The following RSRP1 variants were observed in gnomAD, a reference collection of about 807,000 sequenced individuals.
RSRP1 encodes the protein arginine/serine-rich protein 1.
RSRP1 carries 37 observed loss-of-function variants against 33.0 expected under a neutral mutation model. That is an observed-to-expected ratio of 1.12 (90% CI 0.86 to 1.48). RSRP1 has a LOEUF of 1.48. Ranked by LOEUF, RSRP1 falls within the 40% of genes most tolerant of loss-of-function variation. The pLI is 0.00. For missense variants in RSRP1, 402 were observed against 385.3 expected (o/e 1.04, Z -0.36); for synonymous variants, 167 against 158.7 (o/e 1.05, Z -0.40).
rs34484514 is a variant in RSRP1 at position 25,246,493 on chromosome 1, T to G, written c.471A>C (p.Arg157Ser). Reference sequence around the variant, plus strand: ...TTCTGCTCCGCGACCTCGTCCTGGATCTGTCCCTCCATCTGCTGTGCTCCT... The same window carrying G: ...TTCTGCTCCGCGACCTCGTCCTGGAGCTGTCCCTCCATCTGCTGTGCTCCT... ...YPEEHSRWRDRSRTRSRSRTP... is the reference protein window; with the variant it reads ...YPEEHSRWRDSSRTRSRSRTP... Residue 157 changes from arginine (R) to serine (S), a missense_variant, in exon 2 of 5, where the codon AGA becomes AGC. Physicochemically the swap from Arg to Ser is moderately radical, Grantham distance 110 (BLOSUM62 -1). Coordinates refer to ENST00000243189, the MANE Select transcript of RSRP1 (RefSeq NM_020317.5). The G allele has an allele frequency of 0.04, 64,281 of 1,614,236 alleles. 1,458 individuals are homozygous for G. Among genetic ancestry groups the G allele is most frequent in the South Asian group, 0.046 (4,192 of 91,092 alleles).
intron 1 of RSRP1, among the ~76,000 whole-genome samples, chr1:25,278,175 G>T (rs1312053568): frequency 7.7e-6 from 1 of 129,748 alleles, no homozygotes; most frequent in African/African-American, 2.6e-5. Context: ...TAGGAGATAA[G>T]TCAGCTGTAC....
At chr1:25,330,344 G>A (rs1644976450) in intron 1 of RSRP1, 1 of 132,364 alleles carries the variant, frequency 7.6e-6, no homozygotes, top group African/African-American at 2.6e-5. Flanking sequence ...TGTTACTATG[G>A]GAAATCTTGT....
At position 25,299,065 on chromosome 1, in the gene RSRP1, A is replaced by G. The variant is rs1315770423; in HGVS notation, c.-67+38913T>C. ...CCACGCTGTTTAGAATTGTCAGCAC[A>G]TGGTGATAAAAAAAAAAAAAAAAAA... On this transcript the variant is annotated intron_variant, in intron 1 of 1. Transcript: ENST00000561867. 2.1e-5 allele frequency among the ~76,000 whole-genome samples: 2 copies of G among 96,050 alleles called. 1 individual carries two copies. Among genetic ancestry groups the G allele is most frequent in the African/African-American group, 7.2e-5 (2 of 27,854 alleles). The allele number at this position is 96,050 out of a possible 152,430, so 63.0% of individuals were successfully genotyped here. A position where few individuals can be genotyped will look rare whatever the true frequency, so the allele number is the denominator to read the frequency against.
At chr1:25,300,979 G>T in intron 1 of RSRP1, 1 of 1,378,792 alleles carries the variant, frequency 7.3e-7, no homozygotes, top group Non-Finnish European at 1.0e-6. Context: ...GCACATCTAC[G>T]TGTTCGCAGC....
In RSRP1 at chr1:25,319,943, G is replaced by T. The variant is rs192448389; in HGVS notation, c.-67+18035C>A. ...GACGCAGTTTTGCTCTTGTTGCCCA[G>T]GCTGGAGTGCAATGGCGCTATCTCG... On this transcript the variant is annotated intron_variant, in intron 1 of 1. Coordinates refer to the RSRP1 transcript ENST00000561867. Among the ~76,000 whole-genome samples the T allele has an allele frequency of 4.6e-3, 603 of 131,134 alleles. 147 individuals carry two copies. Among genetic ancestry groups the T allele is most frequent in the Middle Eastern group, 0.045 (11 of 244 alleles). 86.0% of individuals were successfully genotyped at this position (131,134 alleles called of 152,430 possible).
At chr1:25,243,149 C>T (rs141767259) in intron 4 of RSRP1, among the ~76,000 whole-genome samples, 30 of 152,158 alleles carry the variant, frequency 2.0e-4, no homozygotes, top group Non-Finnish European at 7.4e-5. Context: ...TTAATTGTAG[C>T]TTGATTCAAA....
chr1:25,294,350 G>A (rs1177132893), intron 1 of RSRP1: 5 of 997,400 alleles, frequency 5.0e-6, no homozygotes, highest in East Asian at 2.3e-5. Flanking sequence ...GAAGAGTGAG[G>A]GCTGCAGCCA....
At chr1:25,300,838 T>G in intron 1 of RSRP1, 1 of 1,214,010 alleles carries the variant, frequency 8.2e-7, no homozygotes, top group East Asian at 2.3e-5. Context: ...TCTCATGGCT[T>G]CAAGTCACAC....
At position 25,311,878 on chromosome 1, in the gene RSRP1, C is replaced by A. The variant is rs150906940; in HGVS notation, c.-67+26100G>T. Among the ~76,000 whole-genome samples the A allele has an allele frequency of 1.2e-3, 161 of 131,358 alleles. 29 individuals are homozygous for A. The highest frequency in any genetic ancestry group is 3.1e-3 in the African/African-American group (116 of 37,570). The allele number at this position is 131,358 out of a possible 152,430, so 86.2% of individuals were successfully genotyped here. ...AGAATGCAAAAGCTGAGGGGGCATG[C>A]CTTCTTCCACCTACATTTCAAAGGG... On this transcript the variant is annotated intron_variant, in intron 1 of 1. Coordinates refer to the RSRP1 transcript ENST00000561867.
chr1:25,247,189 G>A, intron 1 of RSRP1, 120 bp downstream of exon 1: 1 of 491,138 alleles, frequency 2.0e-6, no homozygotes, highest in African/African-American at 2.0e-5. Flanking sequence ...GCGCCCTGAG[G>A]CCGCGGCCTT....
At position 25,290,591 on chromosome 1, in the gene RSRP1, G is replaced by A. The variant is rs1557528272; in HGVS notation, c.-66-43562C>T. On this transcript the variant is annotated intron_variant, in intron 1 of 1. Coordinates refer to the RSRP1 transcript ENST00000561867. ...TGAATGAATGAATGAATGAATGAGT[G>A]AGAGGCATCCTTCCTTCTCAGTCGT... The A allele has an allele frequency of 1.6e-6, 2 of 1,257,496 alleles. 1 individual carries two copies. The highest frequency in any genetic ancestry group is 2.3e-6 in the Non-Finnish European group (2 of 866,186). 77.9% of individuals were successfully genotyped at this position (1,257,496 alleles called of 1,614,324 possible).
chr1:25,284,832 T>A, intron 1 of RSRP1: 2 of 1,272,672 alleles, frequency 1.6e-6, no homozygotes, highest in Non-Finnish European at 2.3e-6. Context: ...TTCCAGAAGA[T>A]CTGGGATATT....
chr1:25,264,078 C>G (rs1011491985), intron 1 of RSRP1, among the ~76,000 whole-genome samples: 2 of 152,070 alleles, frequency 1.3e-5, no homozygotes, highest in East Asian at 3.9e-4. Flanking sequence ...TTGCAGGGTA[C>G]AGCCTCCCTC....
upstream of RSRP1, among the ~76,000 whole-genome samples, chr1:25,252,291 C>T (rs763247045): frequency 6.1e-4 from 92 of 151,836 alleles, no homozygotes; most frequent in Non-Finnish European, 1.1e-3. Flanking sequence ...AGCAAACACA[C>T]AGCACTCACA....
chr1:25,303,398 T>C (rs1410686648), intron 1 of RSRP1: 1 of 1,378,994 alleles, frequency 7.3e-7, no homozygotes, highest in Non-Finnish European at 1.0e-6. Flanking sequence ...TCTCCGTGGC[T>C]TGCCATGGTG....
rs1349656240 is a variant in RSRP1 at position 25,306,260 on chromosome 1, C to T, written c.-67+31718G>A. Among the ~76,000 whole-genome samples the T allele has an allele frequency of 2.3e-5, 3 of 131,504 alleles. No individual in the cohort carries two copies. In the East Asian group the frequency reaches 5.9e-4, roughly 26 times the overall value. The allele number at this position is 131,504 out of a possible 152,430, so 86.3% of individuals were successfully genotyped here. A position where few individuals can be genotyped will look rare whatever the true frequency, so the allele number is the denominator to read the frequency against. On this transcript the variant is annotated intron_variant, in intron 1 of 1. Transcript: ENST00000561867. ...ACATCCTACAGTACACAGGGCAGCC[C>T]CCACCACAAGGAATTATCAGCTGAA...
chr1:25,308,246 C>T lies in RSRP1; in HGVS notation c.-67+29732G>A, dbSNP rs563820995. ...ATTCTGCTTGTGGGCTGCCTAGATTCCCAATTCTGTGATTCTGTGGTTCTC... is the reference window on the plus strand; with the variant it reads ...ATTCTGCTTGTGGGCTGCCTAGATTTCCAATTCTGTGATTCTGTGGTTCTC... On this transcript the variant is annotated intron_variant, in intron 1 of 1. Coordinates refer to the RSRP1 transcript ENST00000561867. 6.6e-4 allele frequency among the ~76,000 whole-genome samples: 75 copies of T among 114,324 alleles called. 18 individuals carry two copies. The highest frequency in any genetic ancestry group is 8.6e-3 in the Middle Eastern group (2 of 232). The allele number at this position is 114,324 out of a possible 152,430, so 75.0% of individuals were successfully genotyped here. A position where few individuals can be genotyped will look rare whatever the true frequency, so the allele number is the denominator to read the frequency against.
At chr1:25,329,150 A>G (rs542784970) in intron 1 of RSRP1, 5 of 1,054,158 alleles carry the variant, frequency 4.7e-6, no homozygotes, top group Admixed American at 2.1e-5. Flanking sequence ...ACAGCCATGT[A>G]CCACATAACA....
intron 1 of RSRP1, among the ~76,000 whole-genome samples, chr1:25,268,375 G>A (rs1432061890): frequency 7.7e-6 from 1 of 130,494 alleles, no homozygotes; most frequent in African/African-American, 2.6e-5. Flanking sequence ...AAAAATTAGC[G>A]CGGTGTGGTG....
Sources: allele counts gnomAD v4.1 joint callset (sites outside exome capture counted in the v4.1 genomes callset), GRCh38; gene constraint gnomAD v4.1.1; transcripts MANE v1.5; gene names NCBI Gene and HGNC (gene_info 2026-07-23, HGNC 2026-07-21).